The following DEUP1 variants were observed in gnomAD, a reference collection of about 807,000 sequenced individuals.
DEUP1 encodes the protein coiled-coil domain containing 67.
DEUP1 carries 82 observed loss-of-function variants against 87.4 expected under a neutral mutation model. The observed-to-expected ratio is 0.94, with a 90% CI of 0.78 to 1.13. The LOEUF is 1.13. DEUP1 is among the 50% of genes most tolerant of loss of function. DEUP1 has a pLI of 0.00. For missense variants in DEUP1, 663 were observed against 681.5 expected (o/e 0.97, Z 0.30); for synonymous variants, 214 against 222.7 (o/e 0.96, Z 0.35).
intron 5 of DEUP1, among the ~76,000 whole-genome samples, chr11:93,368,867 T>C (rs1339487806): frequency 6.6e-6 from 1 of 151,388 alleles, no homozygotes; most frequent in Non-Finnish European, 1.5e-5. Flanking sequence ...ACCTGGGAGG[T>C]AGAGGTTGCA....
intron 11 of DEUP1, among the ~76,000 whole-genome samples, chr11:93,402,761 C>T (rs185970648): frequency 9.2e-4 from 139 of 151,848 alleles, no homozygotes; most frequent in Middle Eastern, 3.4e-3. Context: ...GTGAAATAAG[C>T]GAAGCACAGA....
At chr11:93,411,423 CTT>C (rs1947431429) in intron 12 of DEUP1, among the ~76,000 whole-genome samples, 1 of 152,278 alleles carries the variant, frequency 6.6e-6, no homozygotes, top group Admixed American at 6.5e-5. Context: ...CTGAGGAAGA[CTT>C]ATATAATACA....
chr11:93,383,640 TTAA>T (rs1313113668), intron 7 of DEUP1: 7 of 660,818 alleles, frequency 1.1e-5, no homozygotes, highest in Non-Finnish European at 1.7e-5. Flanking sequence ...ATGAATATTA[TTAA>T]TAATTCAATA....
At chr11:93,402,136 T>C (rs1947137896) in intron 11 of DEUP1, among the ~76,000 whole-genome samples, 2 of 151,628 alleles carry the variant, frequency 1.3e-5, no homozygotes, top group Admixed American at 1.3e-4. Context: ...CCAAAATATA[T>C]AAGGAGCTCA....
In DEUP1 at chr11:93,380,315, T is replaced by A. The variant is rs574439666; in HGVS notation, c.790-5083T>A. Among the ~76,000 whole-genome samples the A allele has an allele frequency of 3.6e-5, 4 of 112,548 alleles. No individual in the cohort carries two copies. The East Asian group carries it at 1.1e-3, about 31-fold the overall frequency. 73.8% of individuals were successfully genotyped at this position (112,548 alleles called of 152,430 possible). The stretch of plus-strand genomic sequence containing the variant: ...AGCTAATAACAACTACCTGTGTGGC[T>A]TGCATTTGTGACTCACATATTTTTA... On this transcript the variant is annotated intron_variant, in intron 7 of 13. Transcript: ENST00000298050.
chr11:93,352,323 T>A (rs1281241965), intron 2 of DEUP1: 2 of 702,170 alleles, frequency 2.8e-6, no homozygotes, highest in African/African-American at 3.5e-5. Flanking sequence ...AAGACCTCAA[T>A]AACTACCTGC....
chr11:93,344,578 C>A (rs1315055462), intron 2 of DEUP1, among the ~76,000 whole-genome samples: 1 of 152,126 alleles, frequency 6.6e-6, no homozygotes, highest in Non-Finnish European at 1.5e-5. Context: ...CCACGCTCCA[C>A]ACCCATTTCT....
At chr11:93,430,402 A>G (rs765065776) in intron 13 of DEUP1, among the ~76,000 whole-genome samples, 1 of 152,242 alleles carries the variant, frequency 6.6e-6, no homozygotes, top group Non-Finnish European at 1.5e-5. Context: ...TTCAGCCATT[A>G]AAAGCAGCTA....
intron 7 of DEUP1, among the ~76,000 whole-genome samples, chr11:93,374,587 TGTAA>T (rs1334943266): frequency 7.2e-5 from 11 of 152,228 alleles, no homozygotes; most frequent in African/African-American, 2.4e-4. Flanking sequence ...ATCAGTTGGC[TGTAA>T]GTATTTGGGT....
At chr11:93,330,685 C>T (rs1177056407), upstream of DEUP1, 2 of 153,020 alleles carry the variant, frequency 1.3e-5, no homozygotes, top group Non-Finnish European at 2.9e-5. Flanking sequence ...GGCGGGGCCC[C>T]TTGGGGCGGG....
At chr11:93,339,098 T>G (rs1943922812) in intron 2 of DEUP1, among the ~76,000 whole-genome samples, 1 of 152,240 alleles carries the variant, frequency 6.6e-6, no homozygotes, top group Non-Finnish European at 1.5e-5. Flanking sequence ...TGTCTTGAAA[T>G]CAGAAGATAC....
intron 5 of DEUP1, among the ~76,000 whole-genome samples, chr11:93,366,204 A>C (rs1025240362): frequency 1.3e-5 from 2 of 152,222 alleles, no homozygotes; most frequent in African/African-American, 4.8e-5. Flanking sequence ...AAGATGGACT[A>C]AGTTGATGGT....
intron 4 of DEUP1, among the ~76,000 whole-genome samples, chr11:93,361,846 A>G (rs778883647): frequency 2.6e-5 from 4 of 152,128 alleles, no homozygotes; most frequent in Non-Finnish European, 5.9e-5. Context: ...AATAAATTAA[A>G]AAATGACAAA....
At chr11:93,340,179 T>TAGAAAAAG (rs1943988519) in intron 2 of DEUP1, among the ~76,000 whole-genome samples, 1 of 152,134 alleles carries the variant, frequency 6.6e-6, no homozygotes, top group African/African-American at 2.4e-5. Flanking sequence ...AATCACTATG[T>TAGAAAAAG]AGAAAAAGTA....
chr11:93,385,741 A>G (rs949573652), intron 8 of DEUP1, among the ~76,000 whole-genome samples, 198 bp downstream of exon 8: 3 of 152,298 alleles, frequency 2.0e-5, no homozygotes, highest in African/African-American at 7.2e-5. Flanking sequence ...TACCTAGAAA[A>G]TTATATCATG....
chr11:93,344,532 A>G (rs964622432), intron 2 of DEUP1, among the ~76,000 whole-genome samples: 4 of 151,442 alleles, frequency 2.6e-5, no homozygotes, highest in African/African-American at 7.3e-5. Context: ...CTTTTTCTCC[A>G]TGATGACATC....
Position 93,364,258 on chromosome 11 carries a change from A to G in DEUP1, c.396A>G (p.Ile132Met). Residue 132 changes from isoleucine to methionine, a missense_variant, in exon 5 of 14, where the codon ATA becomes ATG. Ile to Met is a conservative substitution (Grantham distance 10, BLOSUM62 1). Coordinates refer to ENST00000298050, the MANE Select transcript of DEUP1 (RefSeq NM_181645.4). ...RKELPHLKEE[I>M]PFELSNLNQK... is the part of the protein sequence containing the mutation. ...AATTACCACACCTTAAAGAAGAAAT[A>G]CCCTTTGAACTGAGCAATTTGAACC... 1 of 1,610,278 alleles carries G rather than the reference A, an allele frequency of 6.2e-7. No individual in the cohort carries two copies. Among genetic ancestry groups the G allele is most frequent in the Non-Finnish European group, 8.5e-7 (1 of 1,177,058 alleles).
chr11:93,366,096 T>C (rs946231943), intron 5 of DEUP1, among the ~76,000 whole-genome samples: 13 of 152,092 alleles, frequency 8.5e-5, no homozygotes, highest in Non-Finnish European at 1.2e-4. Flanking sequence ...TGAAAAAAAT[T>C]TAGATGCACA....
intron 2 of DEUP1, among the ~76,000 whole-genome samples, chr11:93,346,043 G>C (rs1310790713): frequency 1.3e-5 from 2 of 151,818 alleles, no homozygotes; most frequent in African/African-American, 2.4e-5. Flanking sequence ...TATGGTGTAA[G>C]GAAGGGATCC....
Sources: allele counts gnomAD v4.1 joint callset (sites outside exome capture counted in the v4.1 genomes callset), GRCh38; gene constraint gnomAD v4.1.1; transcripts MANE v1.5; gene names NCBI Gene and HGNC (gene_info 2026-07-23, HGNC 2026-07-21).